Variants in RGS5 observed in about 807,000 individuals in gnomAD.
RGS5 encodes the protein regulator of G-protein signalling 5.
RGS5 carries 20 observed loss-of-function variants against 18.9 expected under a neutral mutation model. That is an observed-to-expected ratio of 1.06 (90% CI 0.74 to 1.54). The LOEUF (loss-of-function observed/expected upper bound fraction) is 1.54, where lower values mean the gene tolerates loss of function less well. RGS5 is among the 40% of genes most tolerant of loss of function. The pLI, the probability that RGS5 is intolerant of heterozygous loss-of-function variation, is 0.00. For missense variants in RGS5, 201 were observed against 211.8 expected (o/e 0.95, Z 0.32); for synonymous variants, 57 against 76.2 (o/e 0.75, Z 1.31).
At chr1:163,301,988 T>G (rs1649563251) in intron 2 of RGS5, among the ~76,000 whole-genome samples, 1 of 141,082 alleles carries the variant, frequency 7.1e-6, no homozygotes, top group South Asian at 2.4e-4. Context: ...AATATTGGCT[T>G]CTTAATTTTT....
At chr1:163,217,881 G>C (rs555421632), upstream of RGS5, among the ~76,000 whole-genome samples, 3 of 152,164 alleles carry the variant, frequency 2.0e-5, no homozygotes, top group South Asian at 2.1e-4. Flanking sequence ...CGCAGATTAC[G>C]GTACTGTGAG....
intron 2 of RGS5, among the ~76,000 whole-genome samples, chr1:163,261,591 T>G (rs1376965922): frequency 6.6e-6 from 1 of 152,152 alleles, no homozygotes; most frequent in Admixed American, 6.5e-5. Flanking sequence ...TTCCCAAACC[T>G]GGAGGAATAT....
chr1:163,192,151 G>C (rs930407981), intron 1 of RGS5, among the ~76,000 whole-genome samples: 3 of 152,152 alleles, frequency 2.0e-5, no homozygotes, highest in Non-Finnish European at 4.4e-5. Flanking sequence ...GTTTTCCCGT[G>C]TCTTATGAGA....
At chr1:163,265,508 TATAA>T (rs1421261892) in intron 2 of RGS5, among the ~76,000 whole-genome samples, 2 of 152,300 alleles carry the variant, frequency 1.3e-5, no homozygotes, top group African/African-American at 4.8e-5. Context: ...TCAAGTAGGC[TATAA>T]ATAATAATAG....
chr1:163,306,823 C>A (rs771019469), intron 1 of RGS5, among the ~76,000 whole-genome samples: 1 of 152,086 alleles, frequency 6.6e-6, no homozygotes, highest in Non-Finnish European at 1.5e-5. Flanking sequence ...CAAAGATTGC[C>A]AGCAAACCAC....
At chr1:163,262,306 C>G (rs12731284) in intron 2 of RGS5, among the ~76,000 whole-genome samples, 10,155 of 85,682 alleles carry the variant, frequency 0.12, 677 homozygotes, top group Non-Finnish European at 0.16. Context: ...ATCCCTCCCC[C>G]CTCCCCCGAC....
upstream of RGS5, among the ~76,000 whole-genome samples, chr1:163,218,162 C>T (rs183578836): frequency 1.6e-4 from 24 of 152,242 alleles, no homozygotes; most frequent in African/African-American, 5.8e-4. Context: ...TTCATCAGGG[C>T]TCCATGTGTC....
intron 2 of RGS5, among the ~76,000 whole-genome samples, chr1:163,276,291 G>A (rs1571335131): frequency 1.3e-5 from 2 of 152,056 alleles, no homozygotes; most frequent in African/African-American, 4.8e-5. Context: ...ACCGCACCCA[G>A]CTATGTGGCA....
chr1:163,312,068 A>C lies in RGS5; in HGVS notation c.-377-5739T>G, dbSNP rs181210178. ...AACTGTAATCCCCGGGTGTTGAGGGAGGGACCTGGTGGGAGGTGGCTGGAT... is the reference window on the plus strand; with the variant it reads ...AACTGTAATCCCCGGGTGTTGAGGGCGGGACCTGGTGGGAGGTGGCTGGAT... On this transcript the variant is annotated intron_variant, in intron 1 of 5. Coordinates refer to the RGS5 transcript ENST00000618415. Among the ~76,000 whole-genome samples, 425 of 152,312 alleles carry C rather than the reference A, an allele frequency of 2.8e-3. 4 individuals carry two copies. Among genetic ancestry groups the C allele is most frequent in the Non-Finnish European group, 3.9e-3 (263 of 68,020 alleles).
intron 1 of RGS5, among the ~76,000 whole-genome samples, chr1:163,318,200 G>A (rs1650078514): frequency 6.6e-6 from 1 of 152,136 alleles, no homozygotes; most frequent in Non-Finnish European, 1.5e-5. Flanking sequence ...GAAGTGGGTA[G>A]GATGGGAGAT....
At position 163,249,362 on chromosome 1, in the gene RGS5, T is replaced by C. The variant is rs112034964; in HGVS notation, c.-281+56871A>G. Among the ~76,000 whole-genome samples the C allele has an allele frequency of 1.2e-3, 190 of 152,374 alleles. 1 individual carries two copies. Among genetic ancestry groups the C allele is most frequent in the African/African-American group, 4.4e-3 (184 of 41,592 alleles). On this transcript the variant is annotated intron_variant, in intron 2 of 5. Coordinates refer to the RGS5 transcript ENST00000618415. ...ATTAGTATGTTGGTTATCATTCTTT[T>C]CATTTATGTTTTTCACAACATGAAA... is the stretch of plus-strand genomic sequence containing the variant.
At chr1:163,248,961 C>T (rs1648025671) in intron 2 of RGS5, among the ~76,000 whole-genome samples, 1 of 152,168 alleles carries the variant, frequency 6.6e-6, no homozygotes, top group Non-Finnish European at 1.5e-5. Context: ...TGCCCCTCTG[C>T]CTGCTTCATA....
intron 1 of RGS5, among the ~76,000 whole-genome samples, chr1:163,190,614 C>G (rs979454950): frequency 6.6e-6 from 1 of 152,090 alleles, no homozygotes; most frequent in East Asian, 1.9e-4. Flanking sequence ...AAACAGTGCT[C>G]GACTGACTAA....
At chr1:163,311,941 T>C (rs919922785) in intron 1 of RGS5, among the ~76,000 whole-genome samples, 5 of 152,166 alleles carry the variant, frequency 3.3e-5, no homozygotes, top group African/African-American at 1.2e-4. Flanking sequence ...CATAATGAAG[T>C]GAAGTGCAAT....
intron 1 of RGS5, among the ~76,000 whole-genome samples, chr1:163,308,845 T>C (rs1649776035): frequency 6.6e-6 from 1 of 152,194 alleles, no homozygotes; most frequent in Non-Finnish European, 1.5e-5. Context: ...ATGACACAAA[T>C]TTTTTGGTTT....
intron 1 of RGS5, chr1:163,210,872 G>C (rs536056470): frequency 6.6e-6 from 1 of 152,118 alleles, no homozygotes; most frequent in African/African-American, 2.4e-5. Context: ...CTCTACGTTG[G>C]CTATGCCTGG....
At chr1:163,161,668 G>C in intron 3 of RGS5, 1 of 406,340 alleles carries the variant, frequency 2.5e-6, no homozygotes, top group Non-Finnish European at 4.6e-6. Context: ...AGGACAGATG[G>C]GAACACAACT....
chr1:163,294,818 C>T (rs904118718), intron 2 of RGS5, among the ~76,000 whole-genome samples: 8 of 152,098 alleles, frequency 5.3e-5, no homozygotes, highest in African/African-American at 9.7e-5. Context: ...CAGAAAAAAA[C>T]GGGTCACCTC....
chr1:163,301,661 T>C (rs1430327598), intron 2 of RGS5, among the ~76,000 whole-genome samples: 4 of 152,066 alleles, frequency 2.6e-5, no homozygotes, highest in Non-Finnish European at 5.9e-5. Flanking sequence ...AGAAAAAAAA[T>C]GAGCCTATTA....
Sources: gnomAD v4.1 joint callset for allele counts (sites outside exome capture counted in the v4.1 genomes callset) on GRCh38, gnomAD v4.1.1 for gene constraint, MANE v1.5 for transcripts, NCBI Gene and HGNC (gene_info 2026-07-23, HGNC 2026-07-21) for gene names.